The following EXOSC7 variants were observed in gnomAD, a reference collection of about 807,000 sequenced individuals.
EXOSC7 encodes exosome complex component RRP42.
Under a neutral mutation model 34.3 loss-of-function variants are expected in EXOSC7, and 25 were observed. That is an observed-to-expected ratio of 0.73 (90% confidence interval 0.53 to 1.02). The LOEUF (loss-of-function observed/expected upper bound fraction) is 1.02. Ranked by LOEUF, EXOSC7 falls within the 50% of genes least tolerant of loss-of-function variation. The probability of loss-of-function intolerance (pLI) is 0.00; values close to 1 mark genes in which losing one functional copy is unlikely to be tolerated. For missense variants in EXOSC7, 370 were observed against 368.5 expected (o/e 1.00, Z -0.03); for synonymous variants, 130 against 143.0 (o/e 0.91, Z 0.65).
downstream of EXOSC7, chr3:45,011,487 A>G (rs918453756): frequency 5.1e-5 from 29 of 563,974 alleles, no homozygotes; most frequent in Non-Finnish European, 8.1e-5. Flanking sequence ...TGGTATGTCT[A>G]GAGTTCTTCA....
chr3:44,979,953 T>G (rs988472542), intron 1 of EXOSC7, among the ~76,000 whole-genome samples: 2 of 150,274 alleles, frequency 1.3e-5, no homozygotes, highest in Non-Finnish European at 3.0e-5. Flanking sequence ...ATGGGGGGGG[T>G]TTCAGGGAAC....
chr3:44,985,854 C>T (rs1411866258), intron 1 of EXOSC7, among the ~76,000 whole-genome samples: 1 of 152,084 alleles, frequency 6.6e-6, no homozygotes, highest in Non-Finnish European at 1.5e-5. Flanking sequence ...CTGATTGGTG[C>T]GTTTACAATC....
At chr3:44,984,437 A>G (rs1040865102) in intron 1 of EXOSC7, among the ~76,000 whole-genome samples, 4 of 152,034 alleles carry the variant, frequency 2.6e-5, no homozygotes, top group Admixed American at 6.6e-5. Flanking sequence ...ACTGCACTAC[A>G]GCCTGGGTGA....
At chr3:44,983,202 C>T (rs1706318075) in intron 1 of EXOSC7, among the ~76,000 whole-genome samples, 1 of 152,174 alleles carries the variant, frequency 6.6e-6, no homozygotes, top group South Asian at 2.1e-4. Context: ...AATGTCCTTC[C>T]ACTCTGTCAC....
chr3:44,982,772 T>C (rs57897533), intron 1 of EXOSC7, among the ~76,000 whole-genome samples: 1 of 152,336 alleles, frequency 6.6e-6, no homozygotes, highest in African/African-American at 2.4e-5. Context: ...TACAGACCCA[T>C]GGCACAGAAA....
At chr3:45,007,709 G>A (rs1224040363) in intron 7 of EXOSC7, 134 bp downstream of exon 7, 2 of 997,654 alleles carry the variant, frequency 2.0e-6, no homozygotes, top group Non-Finnish European at 2.9e-6. Context: ...GGAACAGCTG[G>A]TTTGAGCCAG....
intron 7 of EXOSC7, among the ~76,000 whole-genome samples, chr3:45,009,380 G>A (rs991713378): frequency 3.9e-5 from 6 of 152,158 alleles, no homozygotes; most frequent in African/African-American, 1.4e-4. Flanking sequence ...TTGCTTTCCT[G>A]CATCTGGATT....
chr3:44,989,849 A>T (rs1375602548), intron 3 of EXOSC7, among the ~76,000 whole-genome samples: 1 of 152,080 alleles, frequency 6.6e-6, no homozygotes, highest in Non-Finnish European at 1.5e-5. Flanking sequence ...CCACCTGGCT[A>T]TTGCTGGCCT....
intron 1 of EXOSC7, among the ~76,000 whole-genome samples, chr3:44,986,471 C>T (rs573946584): frequency 1.3e-5 from 2 of 152,200 alleles, no homozygotes; most frequent in East Asian, 1.9e-4. Context: ...TTCCCACCCA[C>T]GCCTCTCCCT....
intron 1 of EXOSC7, among the ~76,000 whole-genome samples, chr3:44,988,935 A>G: frequency 6.6e-6 from 1 of 152,248 alleles, no homozygotes; most frequent in African/African-American, 2.4e-5. Context: ...GACCTTGGAC[A>G]AGTCGCTCAA....
chr3:45,003,933 T>C (rs1209318057), intron 5 of EXOSC7, among the ~76,000 whole-genome samples: 2 of 152,214 alleles, frequency 1.3e-5, no homozygotes, highest in Non-Finnish European at 2.9e-5. Flanking sequence ...TGCTGTATGG[T>C]GTTCCATTGT....
chr3:44,996,509 T>C (rs1369634609), intron 3 of EXOSC7, among the ~76,000 whole-genome samples: 3 of 152,208 alleles, frequency 2.0e-5, no homozygotes, highest in Non-Finnish European at 4.4e-5. Flanking sequence ...TCATTTTCCT[T>C]CTCTTCAGTA....
At position 44,989,561 on chromosome 3, in the gene EXOSC7, C is replaced by T. The variant is rs750861065; in HGVS notation, c.171C>T (p.Asp57=). The part of the protein sequence containing the change: ...GSARVKLGHT[D]ILVGVKAEMG... ...GCATGTGTCTGCAGGGTCACACAGA[C>T]ATCTTGGTGGGAGTGAAAGCAGAAA... Residue 57 remains aspartate (D), a synonymous_variant, in exon 3 of 8, where the codon GAC becomes GAT. Transcript: ENST00000265564. The T allele has an allele frequency of 6.2e-7, 1 of 1,613,870 alleles. No individual in the cohort carries two copies. The highest frequency in any genetic ancestry group is 1.1e-5 in the South Asian group (1 of 91,060).
At chr3:44,980,315 GATAA>G (rs1351230751) in intron 1 of EXOSC7, among the ~76,000 whole-genome samples, 2 of 152,174 alleles carry the variant, frequency 1.3e-5, no homozygotes, top group East Asian at 3.8e-4. Context: ...TCGGTATTTT[GATAA>G]ATAATTTGAT....
At chr3:44,995,208 C>G (rs890348398) in intron 3 of EXOSC7, among the ~76,000 whole-genome samples, 5 of 152,084 alleles carry the variant, frequency 3.3e-5, no homozygotes, top group African/African-American at 1.2e-4. Flanking sequence ...GTCTCGAACC[C>G]CCGACCTCAG....
chr3:44,979,274 C>A lies in EXOSC7; in HGVS notation c.57+2940C>A, dbSNP rs556558168. Reference sequence around the variant, plus strand: ...TGTTGCGTTGGTTATAGAGTGCCGGCAGTGCACCTTAAGCAGTGCCTGCCT... The same window carrying A: ...TGTTGCGTTGGTTATAGAGTGCCGGAAGTGCACCTTAAGCAGTGCCTGCCT... On this transcript the variant is annotated intron_variant, in intron 1 of 7. Transcript: ENST00000265564. Among the ~76,000 whole-genome samples the A allele has an allele frequency of 8.5e-5, 13 of 152,314 alleles. No homozygotes were observed. In the East Asian group the frequency reaches 1.7e-3, roughly 20 times the overall value.
At chr3:44,985,754 C>T (rs1187926508) in intron 1 of EXOSC7, among the ~76,000 whole-genome samples, 1 of 152,160 alleles carries the variant, frequency 6.6e-6, no homozygotes, top group Non-Finnish European at 1.5e-5. Flanking sequence ...CTGGCTCTGG[C>T]AGCTTGCTTT....
intron 1 of EXOSC7, among the ~76,000 whole-genome samples, chr3:44,988,832 T>C (rs908210069): frequency 1.3e-5 from 2 of 152,192 alleles, no homozygotes; most frequent in East Asian, 3.8e-4. Context: ...GATCTTGTTT[T>C]TGTGTGCATA....
At chr3:45,011,063 G>A (rs1265366698) in intron 7 of EXOSC7, among the ~76,000 whole-genome samples, 172 bp from the exon 8 acceptor site, 1 of 152,164 alleles carries the variant, frequency 6.6e-6, no homozygotes, top group African/African-American at 2.4e-5. Context: ...TTATTATGTT[G>A]TTGGGGTCTG....
Sources: allele counts gnomAD v4.1 joint callset (sites outside exome capture counted in the v4.1 genomes callset), GRCh38; gene constraint gnomAD v4.1.1; transcripts MANE v1.5; gene names NCBI Gene and HGNC (gene_info 2026-07-23, HGNC 2026-07-21).